The following ZBED4 variants were observed in gnomAD, a reference collection of about 807,000 sequenced individuals.
ZBED4 encodes the protein zinc finger BED domain-containing protein 4.
A neutral mutation model predicts 15.5 loss-of-function variants in ZBED4; 4 were observed. The ratio of observed to expected loss-of-function variants is 0.26; its 90% CI spans 0.13 to 0.59. The LOEUF (loss-of-function observed/expected upper bound fraction) is 0.59, where lower values mean the gene tolerates loss of function less well. Among genes scored for constraint, ZBED4 ranks in the 20% least tolerant of loss-of-function variants. The probability of loss-of-function intolerance (pLI) is 0.90; values close to 1 mark genes in which losing one functional copy is unlikely to be tolerated. For synonymous variants in ZBED4, 692 were observed against 608.5 expected, an observed-to-expected ratio of 1.14 and a Z score of -2.02; for missense variants, 1,323 against 1,461.8, an observed-to-expected ratio of 0.91 and a Z score of 1.55.
Position 49,885,773 on chromosome 22 carries a change from C to T in ZBED4, c.2111C>T (p.Ala704Val), listed in dbSNP as rs2060435127. The T allele has an allele frequency of 6.2e-7, 1 of 1,605,380 alleles. No individual in the cohort carries two copies. The highest frequency in any genetic ancestry group is 8.5e-7 in the Non-Finnish European group (1 of 1,174,054). Residue 704 changes from alanine (A) to valine (V), a missense_variant, in exon 2 of 2, where the codon GCT becomes GTT. This residue lies in a region of ZBED4 where 89 missense variants were observed against 129.8 expected (regional missense o/e 0.69). Coordinates refer to ENST00000216268, the MANE Select transcript of ZBED4 (RefSeq NM_014838.3). ...LPAPSYFSRTAIPGMYDNVKQ... is the reference protein window; with the variant it reads ...LPAPSYFSRTVIPGMYDNVKQ... Reference sequence around the variant, plus strand: ...GCCCCTTCCTACTTCTCCAGGACAGCTATCCCAGGTATGTATGATAATGTG... The same window carrying T: ...GCCCCTTCCTACTTCTCCAGGACAGTTATCCCAGGTATGTATGATAATGTG...
chr22:49,855,786 G>A (rs557602031), intron 1 of ZBED4, among the ~76,000 whole-genome samples: 1 of 151,860 alleles, frequency 6.6e-6, no homozygotes, highest in African/African-American at 2.4e-5. Context: ...GAAACAGCTG[G>A]GCGTGGCTTT....
rs187770568 is a variant in ZBED4 at position 49,873,671 on chromosome 22, A to G, written c.-329-9663A>G. Among the ~76,000 whole-genome samples the G allele has an allele frequency of 1.6e-3, 237 of 143,996 alleles. 2 individuals are homozygous for G. Among genetic ancestry groups the G allele is most frequent in the Non-Finnish European group, 2.1e-4 (14 of 68,002 alleles). The allele number at this position is 143,996 out of a possible 152,430, so 94.5% of individuals were successfully genotyped here. On this transcript the variant is annotated intron_variant, in intron 1 of 1. Transcript: ENST00000216268. ...AAAAAAGTATCTGCAAAGAGCAGTA[A>G]AGCGAGGTGCGGTGATATGAGGTGA...
chr22:49,886,325 T>A lies in ZBED4; in HGVS notation c.2663T>A (p.Val888Asp). 4 of 1,590,306 alleles carry A rather than the reference T, an allele frequency of 2.5e-6. No individual in the cohort carries two copies. In the South Asian group the frequency reaches 3.3e-5, roughly 13 times the overall value. Reference sequence around the variant, plus strand: ...CCTCAGCATCACCTCATCCAGGACGTCCCGTCCAAGTGGAGCACTTCCTTC... The same window carrying A: ...CCTCAGCATCACCTCATCCAGGACGACCCGTCCAAGTGGAGCACTTCCTTC... ...ALPQHHLIQDVPSKWSTSFHM... is the reference protein window; with the variant it reads ...ALPQHHLIQDDPSKWSTSFHM... The change falls in exon 2 of 2, where the codon GTC becomes GAC. Residue 888 changes from valine to aspartate, a missense_variant. Transcript: ENST00000216268. This position sits in a 1 kb window ranked among gnomAD's most constrained non-coding sequence, Gnocchi z 7.7.
chr22:49,861,988 GCCTGA>G (rs975499507), intron 1 of ZBED4, among the ~76,000 whole-genome samples: 2 of 152,204 alleles, frequency 1.3e-5, no homozygotes, highest in Non-Finnish European at 2.9e-5. Flanking sequence ...GTGGGAGAGG[GCCTGA>G]CCAACAGAGG....
intron 1 of ZBED4, among the ~76,000 whole-genome samples, chr22:49,866,677 A>G (rs1407031086): frequency 1.3e-5 from 2 of 152,152 alleles, no homozygotes; most frequent in Non-Finnish European, 2.9e-5. Flanking sequence ...CGTTATCTGC[A>G]GTGATGTTTT....
At position 49,884,475 on chromosome 22, in the gene ZBED4, G is replaced by A. The variant is rs760568300; in HGVS notation, c.813G>A (p.Ala271=). Reference sequence around the variant, plus strand: ...ACGATGAACCTGCAGAGAACTTAGCGGAGAAGAGCCTTCCACTTCCAAAGA... The same window carrying A: ...ACGATGAACCTGCAGAGAACTTAGCAGAGAAGAGCCTTCCACTTCCAAAGA... ...LHYDEPAENL[A]EKSLPLPKST... Residue 271 remains alanine (A), a synonymous_variant, in exon 2 of 2, where the codon GCG becomes GCA. Coordinates refer to ENST00000216268, the MANE Select transcript of ZBED4 (RefSeq NM_014838.3). The A allele has an allele frequency of 5.0e-6, 8 of 1,614,064 alleles. No homozygotes were observed. Among genetic ancestry groups the A allele is most frequent in the East Asian group, 2.2e-5 (1 of 44,896 alleles).
intron 1 of ZBED4, among the ~76,000 whole-genome samples, chr22:49,871,476 C>T (rs2060347187): frequency 6.6e-6 from 1 of 151,940 alleles, no homozygotes; most frequent in South Asian, 2.1e-4. Flanking sequence ...GAGTGAGACT[C>T]TGTCTCAAAA....
chr22:49,878,395 A>G (rs1477299184), intron 1 of ZBED4, among the ~76,000 whole-genome samples: 1 of 151,934 alleles, frequency 6.6e-6, no homozygotes, highest in African/African-American at 2.4e-5. Context: ...TTACGTGGTC[A>G]GTATAAACAC....
rs764152412 is a variant in ZBED4, at chr22:49,884,405, A to C, written c.743A>C (p.Glu248Ala). ...TCCGTTTCGGAGAAGTGCGGCAGAG[A>C]AGAAGCCCTGGTGGGGTCGTCTCCC... is the stretch of plus-strand genomic sequence containing the variant. Reference protein sequence around the residue: ...DMSVSEKCGREEALVGSSPHL... With the variant: ...DMSVSEKCGRAEALVGSSPHL... Residue 248 changes from glutamate (E) to alanine (A), a missense_variant, in exon 2 of 2, where the codon GAA becomes GCA. Physicochemically the swap from Glu to Ala is moderately radical, Grantham distance 107 (BLOSUM62 -1). Transcript: ENST00000216268. 1.9e-5 allele frequency: 31 copies of C among 1,613,258 alleles called. No individual in the cohort carries two copies. The highest frequency in any genetic ancestry group is 1.6e-4 in the Middle Eastern group (1 of 6,074).
intron 1 of ZBED4, among the ~76,000 whole-genome samples, chr22:49,854,297 G>T (rs1294341085): frequency 6.6e-6 from 1 of 150,854 alleles, no homozygotes; most frequent in Non-Finnish European, 1.5e-5. Flanking sequence ...ACGGGACGGG[G>T]CTCGGGCTCG....
In ZBED4 at chr22:49,883,469, G is replaced by A; in HGVS notation, c.-194G>A. 1.4e-6 allele frequency: 1 copy of A among 699,138 alleles called. No homozygotes were observed. The highest frequency in any genetic ancestry group is 2.2e-6 in the Non-Finnish European group (1 of 461,008). The allele number at this position is 699,138 out of a possible 1,614,324, so 43.3% of individuals were successfully genotyped here. On this transcript the variant is annotated 5_prime_UTR_variant, in exon 2 of 2. Coordinates refer to ENST00000216268, the MANE Select transcript of ZBED4 (RefSeq NM_014838.3). ...AGTAGCAGGACTCTTGGAAAGCAGT[G>A]ATCTATGCTGTAAGACCATGAGTCA... is the stretch of plus-strand genomic sequence containing the variant.
chr22:49,865,815 T>C (rs1177775700), intron 1 of ZBED4, among the ~76,000 whole-genome samples: 1 of 152,094 alleles, frequency 6.6e-6, no homozygotes, highest in Non-Finnish European at 1.5e-5. Flanking sequence ...GCATTCATTG[T>C]GCTCGAAGGT....
Position 49,884,734 on chromosome 22 carries a change from C to G in ZBED4, c.1072C>G (p.Leu358Val). 1 of 1,592,996 alleles carries G rather than the reference C, an allele frequency of 6.3e-7. No individual in the cohort carries two copies. ...GCCACTGTACTCCACCCCTCCCACT[C>G]TGCTGCCTTCCTTGCTGCCGCCGGA... is the stretch of plus-strand genomic sequence containing the variant. ...IPPLYSTPPT[L>V]LPSLLPPEGE... Residue 358 changes from leucine to valine, a missense_variant, in exon 2 of 2, where the codon CTG becomes GTG. Physicochemically the swap from Leu to Val is conservative, Grantham distance 32 (BLOSUM62 1). This residue lies in a region of ZBED4 where 429 missense variants were observed against 397.9 expected (regional missense o/e 1.08). Transcript: ENST00000216268.
intron 1 of ZBED4, among the ~76,000 whole-genome samples, chr22:49,876,390 T>A (rs1413213135): frequency 2.0e-5 from 3 of 152,236 alleles, no homozygotes; most frequent in African/African-American, 7.2e-5. Context: ...CCATCCGTGA[T>A]GGTGACTTAC....
intron 1 of ZBED4, among the ~76,000 whole-genome samples, chr22:49,871,850 G>C (rs550336505): frequency 6.6e-6 from 1 of 151,794 alleles, no homozygotes; most frequent in East Asian, 1.9e-4. Flanking sequence ...CACCTCCTGG[G>C]TTGAAGCGAT....
upstream of ZBED4, chr22:49,853,791 G>GGCCCCGCCCCCGGCCA (rs1411315592): frequency 3.4e-5 from 5 of 146,564 alleles, no homozygotes; most frequent in African/African-American, 7.4e-5. Flanking sequence ...GCCCCCGATC[G>GGCCCCGCCCCCGGCCA]GCCCCGCCCC....
intron 1 of ZBED4, among the ~76,000 whole-genome samples, chr22:49,866,753 A>G (rs1232729867): frequency 6.6e-6 from 1 of 152,126 alleles, no homozygotes; most frequent in African/African-American, 2.4e-5. Context: ...GTTGCCTATT[A>G]TATTAGTTTT....
At chr22:49,859,474 T>C (rs2060288150) in intron 1 of ZBED4, among the ~76,000 whole-genome samples, 2 of 152,116 alleles carry the variant, frequency 1.3e-5, no homozygotes, top group African/African-American at 4.8e-5. Flanking sequence ...TGGGAATGCA[T>C]CCTTTCTGGC....
chr22:49,881,438 T>A lies in ZBED4; in HGVS notation c.-329-1896T>A, dbSNP rs1360037171. On this transcript the variant is annotated intron_variant, in intron 1 of 1. Transcript: ENST00000216268. ...GATCTCACTGTTGGCCAGGCTGGAG[T>A]GCAGTGGCACAATGATAGCTCACCA... Among the ~76,000 whole-genome samples the A allele has an allele frequency of 2.0e-5, 3 of 152,210 alleles. No homozygotes were observed. The East Asian group carries it at 5.8e-4, about 29-fold the overall frequency.
Sources: gnomAD v4.1 joint callset for allele counts (sites outside exome capture counted in the v4.1 genomes callset) on GRCh38, gnomAD v4.1.1 for gene constraint, gnomAD v4.1.1 regional missense constraint, Gnocchi (gnomAD v3.1) non-coding constraint, MANE v1.5 for transcripts, NCBI Gene and HGNC (gene_info 2026-07-23, HGNC 2026-07-21) for gene names.